DNAH10: variants seen among roughly 807,000 people sequenced by gnomAD.
The protein encoded by DNAH10 is axonemal beta dynein heavy chain 10.
A neutral mutation model predicts 506.6 loss-of-function variants in DNAH10; 348 were observed. That is an observed-to-expected ratio of 0.69 (90% CI 0.63 to 0.75). The LOEUF is 0.75. DNAH10 is among the 30% of genes least tolerant of loss of function. The probability of loss-of-function intolerance (pLI) is 0.00; values close to 1 mark genes in which losing one functional copy is unlikely to be tolerated. For missense variants in DNAH10, 5,179 were observed against 5,787.1 expected, an observed-to-expected ratio of 0.89 and a Z score of 3.41; for synonymous variants, 2,059 against 2,198.6, an observed-to-expected ratio of 0.94 and a Z score of 1.78.
chr12:123,803,537 G>A (rs769236518), intron 16 of DNAH10, 124 bp from the exon 17 acceptor site: 103 of 947,114 alleles, frequency 1.1e-4, no homozygotes, highest in Non-Finnish European at 1.5e-4. Flanking sequence ...AAGACCCAAG[G>A]GGTTGGAATG....
At position 123,839,010 on chromosome 12, in the gene DNAH10, C is replaced by T. The variant is rs547801017; in HGVS notation, c.5136+321C>T. 3.5e-4 allele frequency among the ~76,000 whole-genome samples: 54 copies of T among 152,158 alleles called. 1 individual carries two copies. The highest frequency in any genetic ancestry group is 1.3e-3 in the African/African-American group (53 of 41,530). On this transcript the variant is annotated intron_variant, in intron 29 of 78. Transcript: ENST00000673944. Reference sequence around the variant, plus strand: ...TATATTTTTTGGAGAGATGAGGTCTCACTGTGTTACCTGGGCTGGTCTCTA... The same window carrying T: ...TATATTTTTTGGAGAGATGAGGTCTTACTGTGTTACCTGGGCTGGTCTCTA...
At chr12:123,854,875 G>A (rs989805881) in intron 36 of DNAH10, among the ~76,000 whole-genome samples, 1 of 152,158 alleles carries the variant, frequency 6.6e-6, no homozygotes, top group Non-Finnish European at 1.5e-5. Context: ...TCTCAGCTGC[G>A]CTTATCATGA....
chr12:123,874,448 C>A (rs145241210), intron 46 of DNAH10, among the ~76,000 whole-genome samples: 3 of 152,116 alleles, frequency 2.0e-5, no homozygotes, highest in Admixed American at 6.5e-5. Context: ...TAGATTTGTT[C>A]ATCTATCCAT....
intron 76 of DNAH10, 118 bp from the exon 77 acceptor site, chr12:123,933,213 A>G (rs1955301114): frequency 2.9e-6 from 3 of 1,024,264 alleles, no homozygotes; most frequent in East Asian, 6.3e-5. Flanking sequence ...TGCCAACGCC[A>G]TCTTTTGCCA....
At chr12:123,834,175 T>C (rs1960881690) in intron 27 of DNAH10, among the ~76,000 whole-genome samples, 3 of 152,196 alleles carry the variant, frequency 2.0e-5, no homozygotes, top group Admixed American at 2.0e-4. Flanking sequence ...GAAGCTCTTA[T>C]GTGGGATATA....
At chr12:123,865,328 A>C (rs7296360) in intron 40 of DNAH10, among the ~76,000 whole-genome samples, 5,523 of 151,492 alleles carry the variant, frequency 0.036, 305 homozygotes, top group African/African-American at 0.12. Context: ...CCTGGAGGCT[A>C]TTCTCCAAAG....
intron 29 of DNAH10, 54 bp downstream of exon 29, chr12:123,838,743 G>A (rs576870352): frequency 5.5e-5 from 81 of 1,481,592 alleles, no homozygotes; most frequent in East Asian, 9.1e-5. Context: ...AACCGCCTTC[G>A]GTCCTCCCTG....
intron 1 of DNAH10, among the ~76,000 whole-genome samples, chr12:123,763,770 C>G: frequency 6.6e-6 from 1 of 151,618 alleles, no homozygotes; most frequent in East Asian, 1.9e-4. Flanking sequence ...ACCATGTTGC[C>G]CAGGGTGGTC....
At chr12:123,888,666 T>G (rs1952845483) in intron 52 of DNAH10, among the ~76,000 whole-genome samples, 1 of 152,130 alleles carries the variant, frequency 6.6e-6, no homozygotes, top group South Asian at 2.1e-4. Flanking sequence ...GTGTCTGTAT[T>G]TCTTGTCTGA....
In DNAH10 at chr12:123,887,154, C is replaced by G; in HGVS notation, c.8836C>G (p.Leu2946Val). 1 of 1,607,696 alleles carries G rather than the reference C, an allele frequency of 6.2e-7. No individual in the cohort carries two copies. The highest frequency in any genetic ancestry group is 8.5e-7 in the Non-Finnish European group (1 of 1,176,994). The change falls in exon 52 of 79, where the codon CTG becomes GTG. Residue 2946 changes from leucine to valine, a missense_variant. Coordinates refer to ENST00000673944, the MANE Select transcript of DNAH10 (RefSeq NM_001372106.1). ...GTCTGCATCGCAGGTGTTTGAGATC[C>G]TGCTGAGCCGAGGCTACTCGGAGAA... ...FTASCEVFEI[L>V]LSRGYSENSF...
chr12:123,890,629 C>T (rs910871368), intron 52 of DNAH10, among the ~76,000 whole-genome samples: 1 of 151,996 alleles, frequency 6.6e-6, no homozygotes, highest in African/African-American at 2.4e-5. Flanking sequence ...GCCGTGGGGA[C>T]GAGATTAGAG....
intron 35 of DNAH10, among the ~76,000 whole-genome samples, chr12:123,852,924 T>C (rs1023075128): frequency 1.3e-5 from 2 of 152,116 alleles, no homozygotes; most frequent in African/African-American, 4.8e-5. Context: ...AGCAATGTAT[T>C]TCTGGAGTGT....
chr12:123,927,195 C>T (rs542260295), intron 69 of DNAH10: 4 of 204,228 alleles, frequency 2.0e-5, no homozygotes, highest in South Asian at 1.9e-4. Context: ...TACAGGCATG[C>T]GTCACCATGC....
intron 56 of DNAH10, among the ~76,000 whole-genome samples, chr12:123,900,782 T>C (rs1210379027): frequency 6.6e-6 from 1 of 152,170 alleles, no homozygotes. Flanking sequence ...GGCTCTGCTG[T>C]CTTCCGTTTG....
At chr12:123,934,868 G>A (rs1955414959) in intron 78 of DNAH10, 102 bp downstream of exon 78, 1 of 1,462,078 alleles carries the variant, frequency 6.8e-7, no homozygotes, top group Non-Finnish European at 9.2e-7. Context: ...TAAAACAGGG[G>A]TGCCTAAGCT....
chr12:123,921,867 C>T (rs1172937767), intron 65 of DNAH10, among the ~76,000 whole-genome samples: 1 of 151,616 alleles, frequency 6.6e-6, no homozygotes, highest in African/African-American at 2.4e-5. Flanking sequence ...GCACCTACCA[C>T]CACACTCAGC....
chr12:123,931,050 A>C (rs1458892593), intron 73 of DNAH10, among the ~76,000 whole-genome samples: 5 of 152,128 alleles, frequency 3.3e-5, no homozygotes, highest in Non-Finnish European at 2.9e-5. Flanking sequence ...AAACAAAAAA[A>C]CAAAAAACAA....
chr12:123,801,173 G>T, intron 15 of DNAH10, 108 bp from the exon 16 acceptor site: 2 of 1,180,134 alleles, frequency 1.7e-6, no homozygotes. Context: ...TCTTGATCAA[G>T]GTTGGTCTTG....
At chr12:123,906,910 T>C (rs1268284139) in intron 57 of DNAH10, among the ~76,000 whole-genome samples, 1 of 152,256 alleles carries the variant, frequency 6.6e-6, no homozygotes, top group East Asian at 1.9e-4. Flanking sequence ...TCATGAAGAT[T>C]AGAAGTAGAT....
Sources: allele counts gnomAD v4.1 joint callset (sites outside exome capture counted in the v4.1 genomes callset), GRCh38; gene constraint gnomAD v4.1.1; transcripts MANE v1.5; gene names NCBI Gene and HGNC (gene_info 2026-07-23, HGNC 2026-07-21).